ZNF804B: variants seen among roughly 807,000 people sequenced by gnomAD.
ZNF804B encodes zinc finger protein 804B.
A neutral mutation model predicts 101.4 loss-of-function variants in ZNF804B; 80 were observed. The observed-to-expected ratio is 0.79, with a 90% CI of 0.66 to 0.95. The LOEUF (loss-of-function observed/expected upper bound fraction) is 0.95. ZNF804B is among the 40% of genes least tolerant of loss of function. The pLI is 0.00. For synonymous variants in ZNF804B, 622 were observed against 558.8 expected (o/e 1.11, Z -1.59); for missense variants, 1,673 against 1,561.9 (o/e 1.07, Z -1.20).
chr7:88,795,031 C>A, intron 1 of ZNF804B: 1 of 1,089,176 alleles, frequency 9.2e-7, no homozygotes, highest in Admixed American at 3.0e-5. Flanking sequence ...CTGATGAACT[C>A]GTGTTTTTAT....
At chr7:89,183,387 G>GT (rs1017903711) in intron 1 of ZNF804B, among the ~76,000 whole-genome samples, 10 of 151,612 alleles carry the variant, frequency 6.6e-5, no homozygotes, top group African/African-American at 2.2e-4. Flanking sequence ...AAACTAGAGA[G>GT]TAAAAAAAAA....
intron 1 of ZNF804B, among the ~76,000 whole-genome samples, chr7:88,881,305 C>G (rs778238831): frequency 3.3e-5 from 5 of 152,054 alleles, no homozygotes; most frequent in Non-Finnish European, 7.4e-5. Context: ...TCAGTCTGTA[C>G]TCATAAAAAT....
intron 1 of ZNF804B, among the ~76,000 whole-genome samples, chr7:88,908,036 A>G (rs1288373534): frequency 6.6e-6 from 1 of 151,878 alleles, no homozygotes; most frequent in African/African-American, 2.4e-5. Flanking sequence ...TTAATCAATA[A>G]CATTTACCAA....
chr7:89,030,847 C>T (rs1788820258), intron 1 of ZNF804B, among the ~76,000 whole-genome samples: 1 of 152,108 alleles, frequency 6.6e-6, no homozygotes, highest in East Asian at 1.9e-4. Flanking sequence ...TTTCTCCCTG[C>T]AATATTATGC....
intron 2 of ZNF804B, among the ~76,000 whole-genome samples, chr7:89,282,026 C>T (rs935811553): frequency 1.3e-5 from 2 of 151,532 alleles, no homozygotes; most frequent in African/African-American, 4.9e-5. Flanking sequence ...ACGGTGAAAC[C>T]CCGTCTCTAC....
intron 1 of ZNF804B, among the ~76,000 whole-genome samples, chr7:89,187,365 A>T (rs1328083555): frequency 6.6e-6 from 1 of 152,186 alleles, no homozygotes; most frequent in African/African-American, 2.4e-5. Context: ...GTACATCAGT[A>T]AAATCATTAC....
At chr7:89,022,107 A>G (rs1788677181) in intron 1 of ZNF804B, among the ~76,000 whole-genome samples, 1 of 152,018 alleles carries the variant, frequency 6.6e-6, no homozygotes, top group Non-Finnish European at 1.5e-5. Context: ...ATCTCATCAT[A>G]GGAGACAGGA....
intron 1 of ZNF804B, among the ~76,000 whole-genome samples, chr7:88,801,579 AT>A (rs1790583784): frequency 2.6e-5 from 4 of 152,118 alleles, no homozygotes; most frequent in Admixed American, 2.0e-4. Flanking sequence ...CTGAAAACCA[AT>A]TTGCAAATGT....
intron 1 of ZNF804B, among the ~76,000 whole-genome samples, chr7:89,041,981 A>G (rs1789023284): frequency 6.6e-6 from 1 of 152,170 alleles, no homozygotes; most frequent in Non-Finnish European, 1.5e-5. Context: ...TAAAATAAGG[A>G]TTCAAAGTCA....
intron 2 of ZNF804B, among the ~76,000 whole-genome samples, chr7:89,237,607 T>C (rs942865382): frequency 9.8e-5 from 15 of 152,312 alleles, no homozygotes; most frequent in Middle Eastern, 6.8e-3. Context: ...CAGGAATAAG[T>C]ACAGTTCAGA....
At chr7:89,044,664 C>T (rs1789074604) in intron 1 of ZNF804B, among the ~76,000 whole-genome samples, 1 of 152,138 alleles carries the variant, frequency 6.6e-6, no homozygotes, top group Admixed American at 6.5e-5. Context: ...AAAAATGACT[C>T]TTGCTATGCA....
At chr7:88,887,905 A>G (rs1231195485) in intron 1 of ZNF804B, among the ~76,000 whole-genome samples, 1 of 152,196 alleles carries the variant, frequency 6.6e-6, no homozygotes, top group African/African-American at 2.4e-5. Context: ...TTCTTTAAAA[A>G]ACACAGGAAT....
At chr7:89,211,270 A>G (rs1287517925) in intron 1 of ZNF804B, among the ~76,000 whole-genome samples, 1 of 152,100 alleles carries the variant, frequency 6.6e-6, no homozygotes, top group Non-Finnish European at 1.5e-5. Context: ...TAGATTGCAA[A>G]AATTTTCTCC....
At chr7:88,907,059 G>C (rs7782637) in intron 1 of ZNF804B, among the ~76,000 whole-genome samples, 72,015 of 151,736 alleles carry the variant, frequency 0.47, 19,702 homozygotes, top group African/African-American at 0.76. Context: ...GTGACTCTTG[G>C]TCTTTTTTGT....
chr7:88,864,544 A>G (rs993110560), intron 1 of ZNF804B, among the ~76,000 whole-genome samples: 4 of 152,148 alleles, frequency 2.6e-5, no homozygotes, highest in Non-Finnish European at 4.4e-5. Flanking sequence ...ATCCACCCCT[A>G]GAGGAGTATT....
intron 1 of ZNF804B, among the ~76,000 whole-genome samples, chr7:89,029,226 C>A (rs149967552): frequency 5.3e-5 from 8 of 152,130 alleles, no homozygotes; most frequent in African/African-American, 1.7e-4. Context: ...GCCTCAGCCT[C>A]CCGAGTAGCT....
Position 89,265,303 on chromosome 7 carries a change from C to CGCGCGT in ZNF804B, c.249+47013_249+47014insTGCGCG, listed in dbSNP as rs1554386430. 5.0e-3 allele frequency among the ~76,000 whole-genome samples: 676 copies of CGCGCGT among 135,990 alleles called. 3 individuals are homozygous for CGCGCGT. Among genetic ancestry groups the CGCGCGT allele is most frequent in the African/African-American group, 0.016 (627 of 39,794 alleles). 89.2% of individuals were successfully genotyped at this position (135,990 alleles called of 152,430 possible). On this transcript the variant is annotated intron_variant, in intron 2 of 3. Transcript: ENST00000333190. The stretch of plus-strand genomic sequence containing the variant: ...GTGTGTGTGTGTGTGTGCGCGTGCG[C>CGCGCGT]GCGCGCACACATGCACGTGCACAGG...
At chr7:89,306,895 G>A (rs1013031828) in intron 2 of ZNF804B, among the ~76,000 whole-genome samples, 5 of 152,002 alleles carry the variant, frequency 3.3e-5, no homozygotes, top group South Asian at 2.1e-4. Flanking sequence ...TTGTTCAGAT[G>A]TGTAATGATA....
At chr7:89,140,761 T>A (rs867428869) in intron 1 of ZNF804B, among the ~76,000 whole-genome samples, 15 of 152,138 alleles carry the variant, frequency 9.9e-5, no homozygotes, top group Non-Finnish European at 7.4e-5. Flanking sequence ...ACTTTCTTGT[T>A]ATCAGCAATA....
Sources: allele counts gnomAD v4.1 joint callset (sites outside exome capture counted in the v4.1 genomes callset), GRCh38; gene constraint gnomAD v4.1.1; transcripts MANE v1.5; gene names NCBI Gene and HGNC (gene_info 2026-07-23, HGNC 2026-07-21).